The following RARB variants were observed in gnomAD, a reference collection of about 807,000 sequenced individuals.
The protein encoded by RARB is HBV-activated protein.
In RARB, 17 loss-of-function variants were observed where a neutral mutation model predicts 51.9. That is an observed-to-expected ratio of 0.33 (90% CI 0.22 to 0.49). The LOEUF (loss-of-function observed/expected upper bound fraction) is 0.49. RARB is among the 20% of genes least tolerant of loss of function. RARB has a pLI of 0.99. For synonymous variants in RARB, 215 were observed against 195.4 expected, an observed-to-expected ratio of 1.10 and a Z score of -0.84; for missense variants, 369 against 550.8, an observed-to-expected ratio of 0.67 and a Z score of 3.30.
chr3:25,044,210 T>C (rs1363502572), intron 2 of RARB, among the ~76,000 whole-genome samples: 1 of 152,234 alleles, frequency 6.6e-6, no homozygotes, highest in Non-Finnish European at 1.5e-5. Context: ...TTTTCCTTTC[T>C]CACCTTCAAG....
At chr3:25,001,178 T>A (rs1697151062) in intron 2 of RARB, among the ~76,000 whole-genome samples, 1 of 151,994 alleles carries the variant, frequency 6.6e-6, no homozygotes, top group Admixed American at 6.6e-5. Flanking sequence ...ATGAGACAGT[T>A]TTTCTACTAA....
intron 3 of RARB, among the ~76,000 whole-genome samples, chr3:25,512,042 G>C (rs1362610612): frequency 1.3e-5 from 2 of 152,116 alleles, no homozygotes; most frequent in Non-Finnish European, 2.9e-5. Context: ...TAACATCTGT[G>C]TACACCAAGT....
Position 25,523,377 on chromosome 3 carries a change from C to A in RARB, c.448+22054C>A, listed in dbSNP as rs187920561. Among the ~76,000 whole-genome samples the A allele has an allele frequency of 4.7e-4, 72 of 152,238 alleles. 2 individuals carry two copies. Among genetic ancestry groups the A allele is most frequent in the East Asian group, 2.9e-3 (15 of 5,174 alleles). The stretch of plus-strand genomic sequence containing the variant: ...AAGCGAATGATATGAATTATCACCT[C>A]CAGGTAGTTTGATTTTGGCAGCTGT... On this transcript the variant is annotated intron_variant, in intron 3 of 7. Transcript: ENST00000330688.
intron 2 of RARB, among the ~76,000 whole-genome samples, chr3:25,030,247 C>T (rs958104862): frequency 2.0e-5 from 3 of 152,154 alleles, no homozygotes; most frequent in African/African-American, 7.2e-5. Context: ...ATATTCTGCC[C>T]TTACACATGT....
intron 2 of RARB, among the ~76,000 whole-genome samples, chr3:24,886,724 C>A (rs1414205285): frequency 1.3e-5 from 2 of 152,130 alleles, no homozygotes; most frequent in Admixed American, 6.6e-5. Context: ...GCATGACCCA[C>A]CGCGCCTAAC....
At chr3:25,353,354 A>G (rs1705634916) in intron 5 of RARB, among the ~76,000 whole-genome samples, 1 of 152,158 alleles carries the variant, frequency 6.6e-6, no homozygotes, top group African/African-American at 2.4e-5. Context: ...GTCAGTGGAA[A>G]CTTGCTTAAA....
chr3:25,350,451 A>G (rs564358267), intron 5 of RARB, among the ~76,000 whole-genome samples: 67 of 152,296 alleles, frequency 4.4e-4, no homozygotes, highest in African/African-American at 1.4e-3. Context: ...GAGTGCAAGG[A>G]CATGTGTCTG....
intron 5 of RARB, among the ~76,000 whole-genome samples, chr3:25,413,611 T>C (rs1575382835): frequency 6.6e-6 from 1 of 152,180 alleles, no homozygotes; most frequent in Admixed American, 6.5e-5. Context: ...TATATGAAAA[T>C]TTAGATTTCT....
intron 1 of RARB, among the ~76,000 whole-genome samples, chr3:25,440,338 C>T (rs570635644): frequency 2.8e-4 from 43 of 151,236 alleles, no homozygotes; most frequent in Non-Finnish European, 4.0e-4. Context: ...CCTAGCTACT[C>T]GGGAGGCTAG....
chr3:24,942,661 C>T lies in RARB; in HGVS notation c.-380+83909C>T, dbSNP rs181893776. On this transcript the variant is annotated intron_variant, in intron 2 of 11. Coordinates refer to the RARB transcript ENST00000383772. ...CTTTGTAGTCAAGTTCATTTCAATT[C>T]TGAGTATCAAATGGTATTATCTTTG... Among the ~76,000 whole-genome samples, 264 of 152,252 alleles carry T rather than the reference C, an allele frequency of 1.7e-3. 2 individuals carry two copies. Among genetic ancestry groups the T allele is most frequent in the African/African-American group, 6.2e-3 (259 of 41,556 alleles).
intron 2 of RARB, among the ~76,000 whole-genome samples, chr3:24,942,843 A>T (rs1378896735): frequency 6.6e-6 from 1 of 152,176 alleles, no homozygotes; most frequent in Admixed American, 6.5e-5. Flanking sequence ...AATTCATAAG[A>T]TTTCACAAAA....
At chr3:25,427,151 A>C (rs1575392577), upstream of RARB, among the ~76,000 whole-genome samples, 1 of 152,046 alleles carries the variant, frequency 6.6e-6, no homozygotes, top group African/African-American at 2.4e-5. Context: ...CAGGCAAGTA[A>C]TTTTCACATT....
chr3:25,116,430 A>G (rs1185495414), intron 3 of RARB, among the ~76,000 whole-genome samples: 1 of 86,490 alleles, frequency 1.2e-5, no homozygotes, highest in Non-Finnish European at 2.7e-5. Flanking sequence ...ATTAAAGTTT[A>G]CAAAAAAAAC....
intron 3 of RARB, among the ~76,000 whole-genome samples, chr3:25,512,124 T>A (rs28478189): frequency 0.029 from 4,384 of 152,220 alleles, 197 homozygotes; most frequent in African/African-American, 0.1. Flanking sequence ...AATGAATTAA[T>A]ACATGGCAGG....
At chr3:25,172,544 A>G (rs1282943699) in intron 4 of RARB, among the ~76,000 whole-genome samples, 4 of 152,188 alleles carry the variant, frequency 2.6e-5, no homozygotes, top group African/African-American at 9.7e-5. Context: ...CACTTCAAAA[A>G]CTGAAGTCAA....
intron 2 of RARB, among the ~76,000 whole-genome samples, chr3:24,863,491 A>C (rs1017943997): frequency 1.3e-5 from 2 of 152,164 alleles, no homozygotes; most frequent in Admixed American, 6.5e-5. Flanking sequence ...TTTGCCTGCC[A>C]GTTAAAATGA....
chr3:25,543,298 G>A (rs1198000630), intron 3 of RARB, among the ~76,000 whole-genome samples: 1 of 152,154 alleles, frequency 6.6e-6, no homozygotes. Context: ...GGAGCTGGCT[G>A]CTAATATTTT....
intron 5 of RARB, among the ~76,000 whole-genome samples, chr3:25,396,653 G>A (rs1315559395): frequency 6.6e-6 from 1 of 152,142 alleles, no homozygotes; most frequent in African/African-American, 2.4e-5. Context: ...AAAACCATCA[G>A]GTTAGGGCAG....
intron 1 of RARB, among the ~76,000 whole-genome samples, chr3:25,433,508 C>T (rs930282934): frequency 9.9e-5 from 15 of 152,080 alleles, no homozygotes; most frequent in South Asian, 2.1e-4. Context: ...CCTGTGTGTG[C>T]GTGGACAGGG....
Sources: allele counts gnomAD v4.1 joint callset (sites outside exome capture counted in the v4.1 genomes callset), GRCh38; gene constraint gnomAD v4.1.1; transcripts MANE v1.5; gene names NCBI Gene and HGNC (gene_info 2026-07-23, HGNC 2026-07-21).